The following KCNQ1 variants were observed in gnomAD, a reference collection of about 807,000 sequenced individuals.
KCNQ1 encodes the protein potassium voltage-gated channel subfamily KQT member 1.
A neutral mutation model predicts 72.4 loss-of-function variants in KCNQ1; 49 were observed. That is an observed-to-expected ratio of 0.68 (90% CI 0.54 to 0.86). The LOEUF (loss-of-function observed/expected upper bound fraction) is 0.86, where lower values mean the gene tolerates loss of function less well. Ranked by LOEUF, KCNQ1 falls within the 40% of genes least tolerant of loss-of-function variation. KCNQ1 has a pLI of 0.00. For synonymous variants in KCNQ1, 450 were observed against 412.6 expected (o/e 1.09, Z -1.10); for missense variants, 790 against 945.1 (o/e 0.84, Z 2.15).
rs145462560 is a variant in KCNQ1 at position 2,661,523 on chromosome 11, C to T, written c.1394-438C>T. On this transcript the variant is annotated intron_variant, in intron 10 of 15. Coordinates refer to ENST00000155840, the MANE Select transcript of KCNQ1 (RefSeq NM_000218.3). The surrounding 1 kb of genome is among the most constrained non-coding windows in gnomAD (Gnocchi z 5.9). ...TCATGGGTCAGAGGTCCTATCACCC[C>T]ATCTTTCCTGACCCACTACTCTGTC... 261 of 472,940 alleles carry T rather than the reference C, an allele frequency of 5.5e-4. 2 individuals carry two copies. Among genetic ancestry groups the T allele is most frequent in the Admixed American group, 3.4e-3 (94 of 27,406 alleles). The allele number at this position is 472,940 out of a possible 1,614,324, so 29.3% of individuals were successfully genotyped here. A position where few individuals can be genotyped will look rare whatever the true frequency, so the allele number is the denominator to read the frequency against.
In KCNQ1 at chr11:2,800,552, G is replaced by C. The variant is rs568736790; in HGVS notation, c.1794+22515G>C. Among the ~76,000 whole-genome samples the C allele has an allele frequency of 4.3e-4, 66 of 152,226 alleles. 1 individual carries two copies. The highest frequency in any genetic ancestry group is 1.6e-3 in the African/African-American group (65 of 41,460). On this transcript the variant is annotated intron_variant, in intron 15 of 15. Transcript: ENST00000155840. ...TAGGGCCCAGGGAGTGGGGGAAGGG[G>C]CCTGGGTCCCGCACAGGATTGAGGT...
chr11:2,659,259 C>T lies in KCNQ1; in HGVS notation c.1394-2702C>T. 5.0e-6 allele frequency: 2 copies of T among 398,624 alleles called. No homozygotes were observed. The highest frequency in any genetic ancestry group is 8.8e-6 in the Non-Finnish European group (2 of 226,064). The allele number at this position is 398,624 out of a possible 1,614,324, so 24.7% of individuals were successfully genotyped here. A position where few individuals can be genotyped will look rare whatever the true frequency, so the allele number is the denominator to read the frequency against. On this transcript the variant is annotated intron_variant, in intron 10 of 15. Transcript: ENST00000155840. The surrounding 1 kb of genome is among the most constrained non-coding windows in gnomAD (Gnocchi z 4.3). ...TACCCTGGGGTGAGTCTTTTGAAGT[C>T]AAGTACTTCTCCCCTAACCACTGGC...
At chr11:2,513,985 G>C (rs777009300) in intron 1 of KCNQ1, among the ~76,000 whole-genome samples, 14 of 152,342 alleles carry the variant, frequency 9.2e-5, no homozygotes, top group African/African-American at 3.4e-4. Flanking sequence ...TGCTCAGAGA[G>C]GCAAGTGGCT....
chr11:2,785,943 C>T lies in KCNQ1; in HGVS notation c.1794+7906C>T, dbSNP rs978140729. Among the ~76,000 whole-genome samples the T allele has an allele frequency of 1.3e-5, 2 of 152,014 alleles. No homozygotes were observed. Among genetic ancestry groups the T allele is most frequent in the Non-Finnish European group, 2.9e-5 (2 of 67,932 alleles). ...ATTCTCCCCCTGACTTAGTACTTTG[C>T]TGTTGTATATTTTAGTTGAACTGTG... On this transcript the variant is annotated intron_variant, in intron 15 of 15. Coordinates refer to ENST00000155840, the MANE Select transcript of KCNQ1 (RefSeq NM_000218.3). This position sits in a 1 kb window ranked among gnomAD's most constrained non-coding sequence, Gnocchi z 4.4.
At chr11:2,445,596 G>C in intron 1 of KCNQ1, 112 bp downstream of exon 1, 2 of 1,264,378 alleles carry the variant, frequency 1.6e-6, no homozygotes, top group Non-Finnish European at 2.2e-6. Context: ...CCGGAGCAGA[G>C]GAGGGAAGGA....
Position 2,445,337 on chromosome 11 carries a change from G to T in KCNQ1, c.239G>T (p.Gly80Val). Residue 80 changes from glycine to valine, a missense_variant, in exon 1 of 16, where the codon GGC becomes GTC. Physicochemically the swap from Gly to Val is moderately radical, Grantham distance 109 (BLOSUM62 -3). Transcript: ENST00000155840. ...GCGCCCCCAGTTGCCTCCGACCTTG[G>T]CCCGCGGCCGCCGGTGAGCCTAGAC... ...PAAPPVASDL[G>V]PRPPVSLDPR... The T allele has an allele frequency of 6.3e-7, 1 of 1,590,088 alleles. No individual in the cohort carries two copies. The highest frequency in any genetic ancestry group is 8.5e-7 in the Non-Finnish European group (1 of 1,176,178).
chr11:2,803,941 C>T lies in KCNQ1; in HGVS notation c.1794+25904C>T, dbSNP rs375588727. Among the ~76,000 whole-genome samples, 53 of 152,262 alleles carry T rather than the reference C, an allele frequency of 3.5e-4. No individual in the cohort carries two copies. In the East Asian group the frequency reaches 5.0e-3, roughly 14 times the overall value. On this transcript the variant is annotated intron_variant, in intron 15 of 15. Transcript: ENST00000155840. This position sits in a 1 kb window ranked among gnomAD's most constrained non-coding sequence, Gnocchi z 6.4. ...CTCCAGCCACCTGGCAGATCCCACTCGGCTCACACAGAGCCTTGGCCAGCA... is the reference window on the plus strand; with the variant it reads ...CTCCAGCCACCTGGCAGATCCCACTTGGCTCACACAGAGCCTTGGCCAGCA...
intron 2 of KCNQ1, 88 bp downstream of exon 2, chr11:2,528,106 C>T: frequency 1.2e-6 from 1 of 827,552 alleles, no homozygotes. Context: ...AGGTGGGGGG[C>T]AGAGCCACTC....
chr11:2,584,634 T>C (rs1332981758), intron 7 of KCNQ1, among the ~76,000 whole-genome samples: 1 of 151,874 alleles, frequency 6.6e-6, no homozygotes, highest in African/African-American at 2.4e-5. Flanking sequence ...TTAGTGTTTG[T>C]GTGTTAGTGT....
chr11:2,776,968 C>T lies in KCNQ1; in HGVS notation c.1686-18C>T. 1 of 1,613,760 alleles carries T rather than the reference C, an allele frequency of 6.2e-7. No individual in the cohort carries two copies. Among genetic ancestry groups the T allele is most frequent in the African/African-American group, 1.3e-5 (1 of 75,032 alleles). On this transcript the variant is annotated intron_variant, in intron 13 of 15. Coordinates refer to ENST00000155840, the MANE Select transcript of KCNQ1 (RefSeq NM_000218.3). ...GCCAGGGCCAGGTGTGAACTGGTGTCTGTGTCCTTCTCTCCAGGCTGGACC... is the reference window on the plus strand; with the variant it reads ...GCCAGGGCCAGGTGTGAACTGGTGTTTGTGTCCTTCTCTCCAGGCTGGACC...
chr11:2,715,564 C>G lies in KCNQ1; in HGVS notation c.1515-53280C>G, dbSNP rs772718925. On this transcript the variant is annotated intron_variant, in intron 11 of 15. Transcript: ENST00000155840. The surrounding 1 kb of genome is among the most constrained non-coding windows in gnomAD (Gnocchi z 4.9). ...GTACCTGGGGATGCCTGTGCCCAAG[C>G]CTTCCTCTTCCACCACCCCTGCTGG... Among the ~76,000 whole-genome samples the G allele has an allele frequency of 5.3e-5, 8 of 152,092 alleles. No homozygotes were observed. Among genetic ancestry groups the G allele is most frequent in the Non-Finnish European group, 8.8e-5 (6 of 67,992 alleles).
rs1847775936 is a variant in KCNQ1, at chr11:2,823,306, C to A, written c.1795-24461C>A. ...CAAAATTGTGAAGGAAAATAAAATT[C>A]TATACCTAGCCAAAGTATCTATCAA... On this transcript the variant is annotated intron_variant, in intron 15 of 15. Transcript: ENST00000155840. Among the ~76,000 whole-genome samples, 3 of 152,298 alleles carry A rather than the reference C, an allele frequency of 2.0e-5. No homozygotes were observed. The Middle Eastern group carries it at 0.01, about 518-fold the overall frequency.
Position 2,458,988 on chromosome 11 carries a change from T to C in KCNQ1, c.386+13504T>C, listed in dbSNP as rs953246460. 1.3e-5 allele frequency among the ~76,000 whole-genome samples: 2 copies of C among 152,242 alleles called. No homozygotes were observed. Among genetic ancestry groups the C allele is most frequent in the African/African-American group, 2.4e-5 (1 of 41,466 alleles). On this transcript the variant is annotated intron_variant, in intron 1 of 15. Transcript: ENST00000155840. This position sits in a 1 kb window ranked among gnomAD's most constrained non-coding sequence, Gnocchi z 4.6. ...TTGCTGCATGTTCCATTTTTGCCCA[T>C]GCCGCACCTGCCATGGTGCATTTCT...
In KCNQ1 at chr11:2,677,807, C is replaced by G. The variant is rs1850319967; in HGVS notation, c.1514+15726C>G. The G allele has an allele frequency of 5.0e-6, 2 of 398,444 alleles. No homozygotes were observed. The highest frequency in any genetic ancestry group is 8.8e-6 in the Non-Finnish European group (2 of 226,020). The allele number at this position is 398,444 out of a possible 1,614,324, so 24.7% of individuals were successfully genotyped here. A position where few individuals can be genotyped will look rare whatever the true frequency, so the allele number is the denominator to read the frequency against. ...CCATTTCCAGCAGGATTAAAATGTTCATTTATGTTGTGATAGATACTGCCA... is the reference window on the plus strand; with the variant it reads ...CCATTTCCAGCAGGATTAAAATGTTGATTTATGTTGTGATAGATACTGCCA... On this transcript the variant is annotated intron_variant, in intron 11 of 15. Transcript: ENST00000155840. This position sits in a 1 kb window ranked among gnomAD's most constrained non-coding sequence, Gnocchi z 4.5.
At chr11:2,585,559 G>T (rs1848581705) in intron 8 of KCNQ1, among the ~76,000 whole-genome samples, 1 of 152,242 alleles carries the variant, frequency 6.6e-6, no homozygotes. Context: ...GCACGGCCGT[G>T]GCCATGCCAG....
In KCNQ1 at chr11:2,682,813, T is replaced by C. The variant is rs1850421184; in HGVS notation, c.1514+20732T>C. The stretch of plus-strand genomic sequence containing the variant: ...CATGAAATGCAGTGACTTGCAGTGA[T>C]CCTCCTGGGGCCTTGTATAGAAGAG... On this transcript the variant is annotated intron_variant, in intron 11 of 15. Transcript: ENST00000155840. This position sits in a 1 kb window ranked among gnomAD's most constrained non-coding sequence, Gnocchi z 5.8. 1 of 398,600 alleles carries C rather than the reference T, an allele frequency of 2.5e-6. No homozygotes were observed. The highest frequency in any genetic ancestry group is 4.4e-6 in the Non-Finnish European group (1 of 226,074). The allele number at this position is 398,600 out of a possible 1,614,324, so 24.7% of individuals were successfully genotyped here. A position where few individuals can be genotyped will look rare whatever the true frequency, so the allele number is the denominator to read the frequency against.
At chr11:2,680,540 G>C in intron 11 of KCNQ1, 1 of 398,406 alleles carries the variant, frequency 2.5e-6, no homozygotes, top group Non-Finnish European at 4.4e-6. Flanking sequence ...TTCTCATGCA[G>C]TTCTAAGAAA....
rs964580919 is a variant in KCNQ1 at position 2,613,584 on chromosome 11, G to A, written c.1393+24730G>A. 73 of 398,312 alleles carry A rather than the reference G, an allele frequency of 1.8e-4. No individual in the cohort carries two copies. Among genetic ancestry groups the A allele is most frequent in the Admixed American group, 1.5e-3 (35 of 22,686 alleles). 24.7% of individuals were successfully genotyped at this position (398,312 alleles called of 1,614,324 possible). ...AGGCTTAATATTTTTTCTTTAATTA[G>A]CACTTTTCAATTTTATATTTCTTTG... On this transcript the variant is annotated intron_variant, in intron 10 of 15. Transcript: ENST00000155840. This position sits in a 1 kb window ranked among gnomAD's most constrained non-coding sequence, Gnocchi z 4.8.
In KCNQ1 at chr11:2,595,190, CT is replaced by C. The variant is rs1848718253; in HGVS notation, c.1393+6337del. Among the ~76,000 whole-genome samples, 1 of 152,054 alleles carries C rather than the reference CT, an allele frequency of 6.6e-6. No individual in the cohort carries two copies. ...GAGAGTTTTATTTTATAAAATAAAACTGTCTTTATTTGCAGAAGACATGGTT... is the reference window on the plus strand; with the variant it reads ...GAGAGTTTTATTTTATAAAATAAAACGTCTTTATTTGCAGAAGACATGGTT... On this transcript the variant is annotated intron_variant, in intron 10 of 15. Coordinates refer to ENST00000155840, the MANE Select transcript of KCNQ1 (RefSeq NM_000218.3). This position sits in a 1 kb window ranked among gnomAD's most constrained non-coding sequence, Gnocchi z 5.0.
Sources: allele counts gnomAD v4.1 joint callset (sites outside exome capture counted in the v4.1 genomes callset), GRCh38; gene constraint gnomAD v4.1.1; non-coding constraint Gnocchi (gnomAD v3.1); transcripts MANE v1.5; gene names NCBI Gene and HGNC (gene_info 2026-07-23, HGNC 2026-07-21).